The following CRYL1 variants were observed in gnomAD, a reference collection of about 807,000 sequenced individuals.
The protein encoded by CRYL1 is crystallin lambda 1.
Under a neutral mutation model 36.6 loss-of-function variants are expected in CRYL1, and 29 were observed. That is an observed-to-expected ratio of 0.79 (90% CI 0.59 to 1.08). The LOEUF (loss-of-function observed/expected upper bound fraction) is 1.08, where lower values mean the gene tolerates loss of function less well. CRYL1 is among the 50% of genes least tolerant of loss of function. The probability of loss-of-function intolerance (pLI) is 0.00; values close to 1 mark genes in which losing one functional copy is unlikely to be tolerated. For missense variants in CRYL1, 411 were observed against 407.9 expected (o/e 1.01, Z -0.06); for synonymous variants, 152 against 151.5 (o/e 1.00, Z -0.02).
Position 20,520,032 on chromosome 13 carries a change from A to G in CRYL1, c.41+5722T>C, listed in dbSNP as rs35922728. On this transcript the variant is annotated intron_variant, in intron 1 of 7. Transcript: ENST00000298248. ...AATGCCTGGCATTTGTTTCAGAACA[A>G]TCCAGAGAAGGGAGAATAACTGAAA... Among the ~76,000 whole-genome samples, 1,296 of 152,352 alleles carry G rather than the reference A, an allele frequency of 8.5e-3. 5 individuals carry two copies. Among genetic ancestry groups the G allele is most frequent in the Middle Eastern group, 0.024 (7 of 294 alleles).
At chr13:20,505,400 G>A (rs181818183) in intron 2 of CRYL1, among the ~76,000 whole-genome samples, 57 of 141,038 alleles carry the variant, frequency 4.0e-4, no homozygotes, top group African/African-American at 1.4e-3. Flanking sequence ...ATGGGAAGTG[G>A]GCCAAACTGC....
chr13:20,418,347 A>ACAT (rs1327425214), intron 5 of CRYL1: 7 of 152,190 alleles, frequency 4.6e-5, no homozygotes, highest in Admixed American at 2.0e-4. Flanking sequence ...GAAGCAAGAC[A>ACAT]CATCTAACAA....
chr13:20,492,919 T>C (rs1022776362), intron 2 of CRYL1, among the ~76,000 whole-genome samples: 4 of 152,190 alleles, frequency 2.6e-5, no homozygotes, highest in African/African-American at 9.6e-5. Context: ...ATTTGAGGAT[T>C]GCTCTATGGT....
At chr13:20,493,504 A>G (rs942497456) in intron 2 of CRYL1, among the ~76,000 whole-genome samples, 7 of 152,210 alleles carry the variant, frequency 4.6e-5, no homozygotes, top group Non-Finnish European at 7.3e-5. Flanking sequence ...TACTAAAAAT[A>G]CAAAAATTAG....
chr13:20,513,029 T>C (rs1351640739), intron 1 of CRYL1, among the ~76,000 whole-genome samples: 1 of 152,198 alleles, frequency 6.6e-6, no homozygotes, highest in Non-Finnish European at 1.5e-5. Context: ...ATTCTATGCA[T>C]GTAACAAAAT....
intron 2 of CRYL1, among the ~76,000 whole-genome samples, chr13:20,507,507 G>A (rs908411565): frequency 6.6e-5 from 10 of 152,154 alleles, no homozygotes; most frequent in Non-Finnish European, 5.9e-5. Context: ...AGAGATTCAC[G>A]GGTCTCCTCT....
chr13:20,420,936 T>C (rs1332593546), intron 5 of CRYL1, among the ~76,000 whole-genome samples: 1 of 152,018 alleles, frequency 6.6e-6, no homozygotes, highest in East Asian at 1.9e-4. Flanking sequence ...GATTTCATTG[T>C]GTTAGCCAGG....
intron 1 of CRYL1, among the ~76,000 whole-genome samples, chr13:20,517,902 C>T (rs1160279913): frequency 1.4e-5 from 2 of 147,570 alleles, no homozygotes; most frequent in Non-Finnish European, 3.0e-5. Flanking sequence ...CACCACTGCA[C>T]TCCAGCCTGG....
chr13:20,472,430 A>T (rs1477847964), intron 3 of CRYL1, among the ~76,000 whole-genome samples: 1 of 152,132 alleles, frequency 6.6e-6, no homozygotes. Flanking sequence ...GTCATAGCTC[A>T]CTCTTACTAC....
chr13:20,525,756 G>A lies in CRYL1; in HGVS notation c.39C>T (p.Gly13=). 7.5e-7 allele frequency: 1 copy of A among 1,328,922 alleles called. No homozygotes were observed. The highest frequency in any genetic ancestry group is 9.6e-7 in the Non-Finnish European group (1 of 1,036,986). The allele number at this position is 1,328,922 out of a possible 1,614,324, so 82.3% of individuals were successfully genotyped here. ...CAGCGCGGCTCGGAGCCCTTTACCT[G>A]CCAACGATCACCACGCAGCCGGCCG... The part of the protein sequence containing the change: ...SSAAGCVVIV[G]SGVIGRSWAM... The change falls in exon 1 of 8, where the codon GGC becomes GGT. Residue 13 remains glycine, a splice_region_variant and synonymous_variant. Coordinates refer to ENST00000298248, the MANE Select transcript of CRYL1 (RefSeq NM_015974.3). The surrounding 1 kb of genome is among the most constrained non-coding windows in gnomAD (Gnocchi z 4.3).
Position 20,505,972 on chromosome 13 carries a change from TA to T in CRYL1, c.149+6470del, listed in dbSNP as rs2033790529. 2.0e-5 allele frequency among the ~76,000 whole-genome samples: 3 copies of T among 152,172 alleles called. No individual in the cohort carries two copies. The South Asian group carries it at 6.2e-4, about 31-fold the overall frequency. On this transcript the variant is annotated intron_variant, in intron 2 of 7. Coordinates refer to ENST00000298248, the MANE Select transcript of CRYL1 (RefSeq NM_015974.3). Reference sequence around the variant, plus strand: ...TCTGAACTCATTGCACTGACCAAAATACTTACAAAAACAAAGTTTGGTTTCA... The same window carrying T: ...TCTGAACTCATTGCACTGACCAAAATCTTACAAAAACAAAGTTTGGTTTCA...
intron 3 of CRYL1, among the ~76,000 whole-genome samples, chr13:20,484,342 C>T (rs537541964): frequency 2.0e-5 from 3 of 152,240 alleles, no homozygotes; most frequent in Admixed American, 6.5e-5. Context: ...GCAGAGGCTG[C>T]GGACTTTGGG....
At chr13:20,436,824 G>A (rs1478709277) in intron 4 of CRYL1, among the ~76,000 whole-genome samples, 1 of 152,052 alleles carries the variant, frequency 6.6e-6, no homozygotes, top group Non-Finnish European at 1.5e-5. Context: ...CCTATTTTTG[G>A]CCCAGGCAGA....
intron 3 of CRYL1, among the ~76,000 whole-genome samples, chr13:20,467,122 T>G (rs930160720): frequency 2.6e-5 from 4 of 151,734 alleles, no homozygotes; most frequent in African/African-American, 9.7e-5. Context: ...TGATTTTTTT[T>G]TTTTTCAGTA....
At chr13:20,460,727 G>A (rs2032798193) in intron 3 of CRYL1, among the ~76,000 whole-genome samples, 1 of 151,974 alleles carries the variant, frequency 6.6e-6, no homozygotes, top group Non-Finnish European at 1.5e-5. Flanking sequence ...GGGTTTCACT[G>A]TGTTAGCCAG....
chr13:20,439,871 A>G, intron 3 of CRYL1, 117 bp from the exon 4 acceptor site: 2 of 1,012,490 alleles, frequency 2.0e-6, no homozygotes, highest in Admixed American at 4.5e-5. Flanking sequence ...GAGGTTCAAG[A>G]CGTGTTATCC....
intron 2 of CRYL1, among the ~76,000 whole-genome samples, chr13:20,511,909 TTAAC>T (rs1704658941): frequency 6.6e-6 from 1 of 152,240 alleles, no homozygotes; most frequent in South Asian, 2.1e-4. Flanking sequence ...TCTCACACCT[TTAAC>T]TAGTACCGCT....
chr13:20,436,201 C>T (rs1343462335), intron 4 of CRYL1, among the ~76,000 whole-genome samples: 1 of 152,188 alleles, frequency 6.6e-6, no homozygotes, highest in African/African-American at 2.4e-5. Context: ...CCAGCCGCGG[C>T]CCCCTTCCCA....
intron 3 of CRYL1, among the ~76,000 whole-genome samples, chr13:20,459,847 A>G (rs1235531436): frequency 6.6e-6 from 1 of 152,206 alleles, no homozygotes; most frequent in African/African-American, 2.4e-5. Context: ...CCTAAAATAA[A>G]AGTTGAAAGG....
Sources: allele counts gnomAD v4.1 joint callset (sites outside exome capture counted in the v4.1 genomes callset), GRCh38; gene constraint gnomAD v4.1.1; non-coding constraint Gnocchi (gnomAD v3.1); transcripts MANE v1.5; gene names NCBI Gene and HGNC (gene_info 2026-07-23, HGNC 2026-07-21).